F13A1: variants seen among roughly 807,000 people sequenced by gnomAD.
F13A1 encodes FSF, A subunit.
In F13A1, 47 loss-of-function variants were observed where a neutral mutation model predicts 80.1. That is an observed-to-expected ratio of 0.59 (90% CI 0.46 to 0.75). The LOEUF (loss-of-function observed/expected upper bound fraction) is 0.75. Among genes scored for constraint, F13A1 ranks in the 30% least tolerant of loss-of-function variants. The pLI is 0.00. For missense variants in F13A1, 817 were observed against 930.4 expected (o/e 0.88, Z 1.59); for synonymous variants, 349 against 344.9 (o/e 1.01, Z -0.13).
At chr6:6,206,777 G>A (rs1052453688) in intron 8 of F13A1, among the ~76,000 whole-genome samples, 1 of 151,568 alleles carries the variant, frequency 6.6e-6, no homozygotes, top group African/African-American at 2.4e-5. Context: ...GCCCCGTAAT[G>A]TATGGGAGAA....
At chr6:6,228,856 C>A (rs559854608) in intron 6 of F13A1, among the ~76,000 whole-genome samples, 1 of 151,718 alleles carries the variant, frequency 6.6e-6, no homozygotes, top group African/African-American at 2.4e-5. Context: ...TTCTGGAACA[C>A]AATTGGGAAA....
chr6:6,225,151 C>T (rs1018942280), intron 6 of F13A1, among the ~76,000 whole-genome samples: 29 of 152,286 alleles, frequency 1.9e-4, no homozygotes, highest in Middle Eastern at 3.4e-3. Flanking sequence ...TGGAAGAAGA[C>T]ATACATAGGA....
intron 5 of F13A1, among the ~76,000 whole-genome samples, chr6:6,249,466 A>T (rs1757600491): frequency 6.6e-6 from 1 of 152,218 alleles, no homozygotes; most frequent in Non-Finnish European, 1.5e-5. Flanking sequence ...ATCACTGTAA[A>T]CATGCTTGGC....
intron 8 of F13A1, among the ~76,000 whole-genome samples, chr6:6,206,236 T>C (rs1761486572): frequency 6.6e-6 from 1 of 152,206 alleles, no homozygotes; most frequent in African/African-American, 2.4e-5. Flanking sequence ...AACGTGTTCC[T>C]AGAGGTATTA....
chr6:6,245,534 T>C (rs1757543880), intron 6 of F13A1, among the ~76,000 whole-genome samples: 1 of 152,292 alleles, frequency 6.6e-6, no homozygotes, highest in Admixed American at 6.5e-5. Flanking sequence ...CAAATTCAGA[T>C]TCTTATTATG....
chr6:6,176,294 C>T (rs968365906), intron 11 of F13A1, among the ~76,000 whole-genome samples: 14 of 152,158 alleles, frequency 9.2e-5, no homozygotes, highest in Admixed American at 9.2e-4. Context: ...CATCAGAACC[C>T]TCACTGAGGG....
chr6:6,283,339 T>C (rs1407563543), intron 3 of F13A1, among the ~76,000 whole-genome samples: 1 of 152,226 alleles, frequency 6.6e-6, no homozygotes. Flanking sequence ...CTAGCTTCTG[T>C]TGCTATAAGG....
rs1224733517 is a variant in F13A1 at position 6,222,166 on chromosome 6, G to A, written c.979C>T (p.Arg327Ter). ...ATTCTTGCTGGTATTCCAAGGCATC[G>A]TAAAACTACAGGAAAGGACAGACCA... is the stretch of plus-strand genomic sequence containing the variant. ...VFAGVFNTFL[R>*]CLGIPARIVT... is the part of the protein sequence containing the mutation. Residue 327 changes from arginine (R) to a stop codon, truncating the protein, a stop_gained, in exon 8 of 15, where the codon CGA becomes TGA. Transcript: ENST00000264870. LOFTEE classifies it high-confidence loss of function. 3 of 1,613,946 alleles carry A rather than the reference G, an allele frequency of 1.9e-6. No homozygotes were observed. The highest frequency in any genetic ancestry group is 1.3e-5 in the African/African-American group (1 of 75,042).
At chr6:6,275,229 G>A (rs1227782256) in intron 3 of F13A1, among the ~76,000 whole-genome samples, 7 of 152,112 alleles carry the variant, frequency 4.6e-5, no homozygotes, top group Non-Finnish European at 1.0e-4. Flanking sequence ...GCCAGCGGAA[G>A]CAGGAAGTAG....
intron 1 of F13A1, among the ~76,000 whole-genome samples, chr6:6,319,572 G>A (rs910874969): frequency 2.0e-5 from 3 of 152,198 alleles, no homozygotes; most frequent in Admixed American, 2.0e-4. Flanking sequence ...AATGAAGGGG[G>A]ACTTTGTTTC....
At chr6:6,222,882 C>T (rs1443422555) in intron 7 of F13A1, among the ~76,000 whole-genome samples, 1 of 152,132 alleles carries the variant, frequency 6.6e-6, no homozygotes, top group African/African-American at 2.4e-5. Context: ...CTTGGAAGTC[C>T]AAACTGGAGT....
At chr6:6,279,491 C>T (rs1033037100) in intron 3 of F13A1, among the ~76,000 whole-genome samples, 4 of 152,168 alleles carry the variant, frequency 2.6e-5, no homozygotes, top group African/African-American at 9.7e-5. Context: ...TCTGACCCCT[C>T]GTGCTGGGGT....
At chr6:6,173,916 G>T (rs1423261643) in intron 12 of F13A1, among the ~76,000 whole-genome samples, 1 of 152,096 alleles carries the variant, frequency 6.6e-6, no homozygotes, top group African/African-American at 2.4e-5. Context: ...TGATTCAGAG[G>T]GTGTGGGGTG....
intron 13 of F13A1, among the ~76,000 whole-genome samples, chr6:6,163,968 G>A (rs951450079): frequency 6.6e-6 from 1 of 151,398 alleles, no homozygotes; most frequent in Non-Finnish European, 1.5e-5. Flanking sequence ...ACAACCCCAC[G>A]AGTACCAGTT....
intron 6 of F13A1, among the ~76,000 whole-genome samples, chr6:6,244,248 G>A (rs1400287524): frequency 1.3e-5 from 2 of 152,186 alleles, no homozygotes; most frequent in Non-Finnish European, 2.9e-5. Context: ...TTTTCCTGGT[G>A]GGAACTGTCA....
At chr6:6,251,220 T>C (rs1332277871) in intron 4 of F13A1, among the ~76,000 whole-genome samples, 1 of 152,220 alleles carries the variant, frequency 6.6e-6, no homozygotes, top group Admixed American at 6.5e-5. Context: ...CATTAAACAT[T>C]TTATGATTCT....
chr6:6,294,432 C>G (rs1304094959), intron 3 of F13A1, among the ~76,000 whole-genome samples: 1 of 152,232 alleles, frequency 6.6e-6, no homozygotes, highest in East Asian at 1.9e-4. Context: ...TCTCATTGCT[C>G]CTCAGCTTGC....
rs1381582699 is a variant in F13A1, at chr6:6,318,744, A to T, written c.-18-62T>A. Reference sequence around the variant, plus strand: ...GCATGTAAAGTGAGTAACATTTGAGACAAGGATTCCAAAATAGAGAAACAG... The same window carrying T: ...GCATGTAAAGTGAGTAACATTTGAGTCAAGGATTCCAAAATAGAGAAACAG... On this transcript the variant is annotated intron_variant, in intron 1 of 14. Coordinates refer to ENST00000264870, the MANE Select transcript of F13A1 (RefSeq NM_000129.4). 7 of 1,545,156 alleles carry T rather than the reference A, an allele frequency of 4.5e-6. No individual in the cohort carries two copies. The African/African-American group carries it at 9.6e-5, about 21-fold the overall frequency.
intron 6 of F13A1, among the ~76,000 whole-genome samples, chr6:6,237,489 T>A (rs1311154664): frequency 6.6e-6 from 1 of 152,162 alleles, no homozygotes; most frequent in Non-Finnish European, 1.5e-5. Flanking sequence ...GTGGTTTGCT[T>A]AATAACAAGC....
Sources: allele counts gnomAD v4.1 joint callset (sites outside exome capture counted in the v4.1 genomes callset), GRCh38; gene constraint gnomAD v4.1.1; transcripts MANE v1.5; gene names NCBI Gene and HGNC (gene_info 2026-07-23, HGNC 2026-07-21).